The following MYO15B variants were observed in gnomAD, a reference collection of about 807,000 sequenced individuals.
MYO15B encodes the protein myosin XVB, also known as myosin XVB pseudogene.
In MYO15B, 207 loss-of-function variants were observed where a neutral mutation model predicts 119.3. The observed-to-expected ratio is 1.73, with a 90% CI of 1.55 to 1.95. The LOEUF (loss-of-function observed/expected upper bound fraction) is 1.95, where lower values mean the gene tolerates loss of function less well. Among genes scored for constraint, MYO15B ranks in the 30% most tolerant of loss-of-function variants. MYO15B has a pLI of 0.00. For missense variants in MYO15B, 2,264 were observed against 1,203.1 expected (o/e 1.88, Z -13.04); for synonymous variants, 966 against 498.9 (o/e 1.94, Z -12.48).
chr17:75,624,247 C>A (rs547347741), exon 56 of MYO15B: 1 of 702,950 alleles, frequency 1.4e-6, no homozygotes, highest in Non-Finnish European at 2.6e-6. Context: ...ATGCCCCCAC[C>A]GGGTGAAATG....
At chr17:75,593,492 C>T (rs1187566794) in intron 9 of MYO15B, among the ~76,000 whole-genome samples, 1 of 151,840 alleles carries the variant, frequency 6.6e-6, no homozygotes, top group African/African-American at 2.4e-5. Flanking sequence ...GTGGCACATC[C>T]CAGCTACTTA....
At chr17:75,591,943 GC>G in intron 5 of MYO15B, 33 bp from the exon 6 acceptor site, 1 of 698,720 alleles carries the variant, frequency 1.4e-6, no homozygotes. Context: ...GGCTACTGCT[GC>G]CCAGGGATGC....
rs1023162340 is a variant in MYO15B, at chr17:75,620,365, C to G, written c.7555+8C>G. The G allele has an allele frequency of 1.4e-6, 1 of 702,950 alleles. No homozygotes were observed. The highest frequency in any genetic ancestry group is 2.6e-6 in the Non-Finnish European group (1 of 384,998). 43.5% of individuals were successfully genotyped at this position (702,950 alleles called of 1,614,324 possible). A position where few individuals can be genotyped will look rare whatever the true frequency, so the allele number is the denominator to read the frequency against. The stretch of plus-strand genomic sequence containing the variant: ...TGGCCACCCTGGAGCCAGGTATCGC[C>G]AGAGGCCGGCAGGGGCTCACACAGG... On this transcript the variant is annotated splice_region_variant and intron_variant, in intron 48 of 63. Coordinates refer to ENST00000645453, the Ensembl canonical transcript of MYO15B.
chr17:75,595,178 C>T (rs1333570645), intron 12 of MYO15B: 2 of 597,352 alleles, frequency 3.3e-6, no homozygotes, highest in Non-Finnish European at 6.0e-6. Context: ...AGTGGGGCTG[C>T]CTCTGAGGAT....
chr17:75,607,427 AATTAATTATT>A (rs1026900649), intron 21 of MYO15B, among the ~76,000 whole-genome samples: 2 of 112,144 alleles, frequency 1.8e-5, no homozygotes, highest in African/African-American at 6.5e-5. Flanking sequence ...GAGGGTTAAT[AATTAATTATT>A]ATTATTATTA....
chr17:75,606,092 G>A lies in MYO15B; in HGVS notation c.4292+71G>A, dbSNP rs910894791. ...GTGGGTTCGTCCTCCAGGTGGTGGG[G>A]CAGGGTTGGGGAAACATAGGGCCTC... On this transcript the variant is annotated intron_variant, in intron 21 of 63. Coordinates refer to ENST00000645453, the Ensembl canonical transcript of MYO15B. 1.5e-5 allele frequency: 9 copies of A among 613,696 alleles called. No homozygotes were observed. The South Asian group carries it at 1.6e-4, about 11-fold the overall frequency. The allele number at this position is 613,696 out of a possible 1,614,324, so 38.0% of individuals were successfully genotyped here. A position where few individuals can be genotyped will look rare whatever the true frequency, so the allele number is the denominator to read the frequency against.
At chr17:75,590,275 C>T (rs1465895504) in intron 1 of MYO15B, 32 bp downstream of exon 1, 4 of 399,008 alleles carry the variant, frequency 1.0e-5, no homozygotes, top group Non-Finnish European at 1.8e-5. Flanking sequence ...GCTGCCATCC[C>T]CGGCTCACAG....
intron 61 of MYO15B, 78 bp downstream of exon 61, chr17:75,625,738 G>A: frequency 1.4e-6 from 1 of 701,096 alleles, no homozygotes; most frequent in South Asian, 1.5e-5. Flanking sequence ...GGGCGAGGAG[G>A]GGTCTGCGCC....
rs1004284233 is a variant in MYO15B at position 75,591,016 on chromosome 17, C to T, written c.2360C>T (p.Pro787Leu). ...CCCAGGAAGGCCCTCAGCACCACTC[C>T]GTATGTGACTCTGCCCCACTGACCC... The change falls in exon 3 of 64, where the codon CCA becomes CTA. Residue 787 changes from proline (P) to leucine (L), a missense_variant and splice_region_variant. Pro to Leu is a moderately conservative substitution (Grantham distance 98, BLOSUM62 -3). Transcript: ENST00000645453. The T allele has an allele frequency of 1.1e-4, 67 of 621,634 alleles. No individual in the cohort carries two copies. In the East Asian group the frequency reaches 1.2e-3, roughly 11 times the overall value. 38.5% of individuals were successfully genotyped at this position (621,634 alleles called of 1,614,324 possible).
intron 43 of MYO15B, among the ~76,000 whole-genome samples, chr17:75,618,715 G>A (rs1568210638): frequency 6.6e-6 from 1 of 152,226 alleles, no homozygotes; most frequent in African/African-American, 2.4e-5. Context: ...AGCAAAGTGC[G>A]TACAGTGCAC....
chr17:75,600,902 TA>T (rs2057236912), intron 14 of MYO15B, among the ~76,000 whole-genome samples: 3 of 141,092 alleles, frequency 2.1e-5, no homozygotes, highest in Non-Finnish European at 3.1e-5. Flanking sequence ...AGCTAATTTT[TA>T]ATTTTTTTTT....
At chr17:75,619,631 G>A in intron 45 of MYO15B, 50 bp from the exon 46 acceptor site, 2 of 699,284 alleles carry the variant, frequency 2.9e-6, no homozygotes, top group South Asian at 3.0e-5. Context: ...GGGCATCTTG[G>A]GCAGTAGCAG....
intron 53 of MYO15B, among the ~76,000 whole-genome samples, chr17:75,622,951 G>A (rs2058791431): frequency 6.6e-6 from 1 of 152,232 alleles, no homozygotes; most frequent in Admixed American, 6.5e-5. Context: ...GACACGGGGA[G>A]AAGGGCAGAC....
In MYO15B at chr17:75,617,793, C is replaced by A. The variant is rs2058469207; in HGVS notation, c.6815-17C>A. ...GCAGCCCCTCACTGAGGCTCCTCACCCCCTCCTCTCTGCCAGGCTTGACAC... is the reference window on the plus strand; with the variant it reads ...GCAGCCCCTCACTGAGGCTCCTCACACCCTCCTCTCTGCCAGGCTTGACAC... On this transcript the variant is annotated splice_polypyrimidine_tract_variant and intron_variant, in intron 41 of 63. Transcript: ENST00000645453. The A allele has an allele frequency of 1.4e-6, 1 of 697,698 alleles. No individual in the cohort carries two copies. The highest frequency in any genetic ancestry group is 2.6e-6 in the Non-Finnish European group (1 of 381,346). The allele number at this position is 697,698 out of a possible 1,614,324, so 43.2% of individuals were successfully genotyped here. A position where few individuals can be genotyped will look rare whatever the true frequency, so the allele number is the denominator to read the frequency against.
chr17:75,605,293 C>A (rs1305169046), intron 19 of MYO15B, among the ~76,000 whole-genome samples: 1 of 151,924 alleles, frequency 6.6e-6, no homozygotes, highest in Admixed American at 6.6e-5. Flanking sequence ...AAAAATTAGC[C>A]GGGTGCGGTG....
At position 75,589,346 on chromosome 17, in the gene MYO15B, A is replaced by G. The variant is rs909367143; in HGVS notation, c.1289A>G (p.Asp430Gly). 3 of 319,456 alleles carry G rather than the reference A, an allele frequency of 9.4e-6. No homozygotes were observed. Among genetic ancestry groups the G allele is most frequent in the Non-Finnish European group, 1.6e-5 (3 of 185,002 alleles). 19.8% of individuals were successfully genotyped at this position (319,456 alleles called of 1,614,324 possible). A position where few individuals can be genotyped will look rare whatever the true frequency, so the allele number is the denominator to read the frequency against. Reference sequence around the variant, plus strand: ...AAGGGGCGGGGCCGCGGGAAAGCGGATGAAGGGCGGGGCCACGAGCGAGGG... The same window carrying G: ...AAGGGGCGGGGCCGCGGGAAAGCGGGTGAAGGGCGGGGCCACGAGCGAGGG... Residue 430 changes from aspartate (D) to glycine (G), a missense_variant, in exon 1 of 64, where the codon GAT becomes GGT. Physicochemically the swap from Asp to Gly is moderately conservative, Grantham distance 94 (BLOSUM62 -1). Transcript: ENST00000645453. The surrounding 1 kb of genome is among the most constrained non-coding windows in gnomAD (Gnocchi z 4.2).
At chr17:75,592,463 G>T (rs1002158629) in exon 8 of MYO15B, 24 of 612,224 alleles carry the variant, frequency 3.9e-5, no homozygotes, top group Middle Eastern at 3.8e-4. Context: ...TTTTTTACAA[G>T]CTGCTGGCAG....
rs764327377 is a variant in MYO15B at position 75,623,983 on chromosome 17, C to T, written c.8191C>T (p.Leu2731Phe). The stretch of plus-strand genomic sequence containing the variant: ...CACTCGAGGCTGGAGCTTCCTCAGC[C>T]TTCTCACAGGCTTCTTCCCCCCGTC... The change falls in exon 55 of 64, where the codon CTT (leucine) becomes TTT (phenylalanine). Residue 2731 changes from leucine to phenylalanine, a missense_variant. Coordinates refer to ENST00000645453, the Ensembl canonical transcript of MYO15B. The T allele has an allele frequency of 7.7e-5, 54 of 703,058 alleles. No homozygotes were observed. The African/African-American group carries it at 9.2e-4, about 12-fold the overall frequency. The allele number at this position is 703,058 out of a possible 1,614,324, so 43.6% of individuals were successfully genotyped here.
chr17:75,619,049 GCCT>G, intron 43 of MYO15B, 91 bp from the exon 44 acceptor site: 1 of 688,184 alleles, frequency 1.5e-6, no homozygotes, highest in South Asian at 1.5e-5. Context: ...CCCTCCATCG[GCCT>G]CCTCAGGTTT....
Sources: allele counts gnomAD v4.1 joint callset (sites outside exome capture counted in the v4.1 genomes callset), GRCh38; gene constraint gnomAD v4.1.1; non-coding constraint Gnocchi (gnomAD v3.1); transcripts MANE v1.5; gene names NCBI Gene and HGNC (gene_info 2026-07-23, HGNC 2026-07-21).